The following TTN variants were observed in gnomAD, a reference collection of about 807,000 sequenced individuals.
The protein encoded by TTN is titin, also known as connectin.
Under a neutral mutation model 3,223.0 loss-of-function variants are expected in TTN, and 1,525 were observed. That is an observed-to-expected ratio of 0.47 (90% CI 0.45 to 0.49). The LOEUF (loss-of-function observed/expected upper bound fraction) is 0.49, where lower values mean the gene tolerates loss of function less well. Ranked by LOEUF, TTN falls within the 20% of genes least tolerant of loss-of-function variation. The pLI, the probability that TTN is intolerant of heterozygous loss-of-function variation, is 0.00. For synonymous variants in TTN, 14,094 were observed against 15,161.0 expected (o/e 0.93, Z 5.17); for missense variants, 40,786 against 43,424.0 (o/e 0.94, Z 5.40).
chr2:178,611,393 C>T lies in TTN; in HGVS notation c.50836G>A (p.Val16946Met). ...TTACAGTCTGGGTCTTTGGCAACCA[C>T]ATTTTCAGAGATTTCAGATGGCTCG... ...VSEPSEISEN[V>M]VAKDPDCKPT... Residue 16946 changes from valine to methionine, a missense_variant, in exon 269 of 363, where the codon GTG becomes ATG. Val to Met is a conservative substitution (Grantham distance 21). Coordinates refer to ENST00000589042, the MANE Select transcript of TTN (RefSeq NM_001267550.2). 1 of 1,612,824 alleles carries T rather than the reference C, an allele frequency of 6.2e-7. No individual in the cohort carries two copies. Among genetic ancestry groups the T allele is most frequent in the African/African-American group, 1.3e-5 (1 of 74,970 alleles).
chr2:178,577,257 A>C lies in TTN; in HGVS notation c.69078T>G (p.Phe23026Leu). The change falls in exon 324 of 363, where the codon TTT (phenylalanine) becomes TTG (leucine). Residue 23026 changes from phenylalanine (F) to leucine (L), a missense_variant. Coordinates refer to ENST00000589042, the MANE Select transcript of TTN (RefSeq NM_001267550.2). ...CCTTCACATGTTCCACCTTCGTGCC[A>C]AAAGGATTGGTAGCAGTGATGGTAT... Reference protein sequence around the residue: ...GEYTITATNPFGTKVEHVKVT... With the variant: ...GEYTITATNPLGTKVEHVKVT... 2 of 1,612,858 alleles carry C rather than the reference A, an allele frequency of 1.2e-6. No homozygotes were observed. Among genetic ancestry groups the C allele is most frequent in the Non-Finnish European group, 1.7e-6 (2 of 1,179,450 alleles).
chr2:178,714,852 A>G, intron 90 of TTN, 134 bp downstream of exon 90: 2 of 1,220,168 alleles, frequency 1.6e-6, no homozygotes, highest in Non-Finnish European at 2.3e-6. Context: ...ACTAAACAGA[A>G]AAGGACTTGG....
rs1176408460 is a variant in TTN at position 178,799,559 on chromosome 2, T to G, written c.842A>C (p.Gln281Pro). 6.2e-7 allele frequency: 1 copy of G among 1,614,066 alleles called. No individual in the cohort carries two copies. Among genetic ancestry groups the G allele is most frequent in the African/African-American group, 1.3e-5 (1 of 74,948 alleles). The change falls in exon 6 of 363, where the codon CAG becomes CCG. Residue 281 changes from glutamine to proline, a missense_variant. By Grantham distance (76) the Gln-to-Pro change is moderately conservative. Transcript: ENST00000589042. Reference protein sequence around the residue: ...IAAKAQLARQQSPSPIRHSPS... With the variant: ...IAAKAQLARQPSPSPIRHSPS... ...GGAGTGTCTTATGGGCGATGGGGAC[T>G]GCTGCCGAGCCAGCTGTGCTTTGGC...
chr2:178,641,458 C>G, intron 219 of TTN, 143 bp from the exon 220 acceptor site: 1 of 494,212 alleles, frequency 2.0e-6, no homozygotes, highest in Middle Eastern at 3.7e-4. Flanking sequence ...AGCATTTACA[C>G]CGAAAGTGTT....
chr2:178,537,891 C>T lies in TTN; in HGVS notation c.99316G>A (p.Glu33106Lys). The T allele has an allele frequency of 6.2e-7, 1 of 1,611,934 alleles. No homozygotes were observed. ...AATTTTGTGGTAACATCCTTCATTT[C>T]TTTGCGTATTCCTGGGGCCTCTCCA... Reference protein sequence around the residue: ...TSGEAPGIRKEMKDVTTKLGE... With the variant: ...TSGEAPGIRKKMKDVTTKLGE... The change falls in exon 355 of 363, where the codon GAA becomes AAA. Residue 33106 changes from glutamate (E) to lysine (K), a missense_variant. Physicochemically the swap from Glu to Lys is moderately conservative, Grantham distance 56 (BLOSUM62 1). Transcript: ENST00000589042.
chr2:178,570,730 A>G lies in TTN; in HGVS notation c.75402T>C (p.Asp25134=). Residue 25134 remains aspartate (D), a synonymous_variant, in exon 326 of 363, where the codon GAT becomes GAC. Transcript: ENST00000589042. ...TGGTTGGTATTGGTTTGCCATAAAT[A>G]TCTGCATCAACCTTGAATGATTCAC... The part of the protein sequence containing the change: ...HAGESFKVDA[D]IYGKPIPTIQ... 1.9e-6 allele frequency: 3 copies of G among 1,613,608 alleles called. No individual in the cohort carries two copies. Among genetic ancestry groups the G allele is most frequent in the African/African-American group, 1.3e-5 (1 of 75,014 alleles).
At chr2:178,678,679 A>C in intron 143 of TTN, 68 bp downstream of exon 143, 1 of 1,461,932 alleles carries the variant, frequency 6.8e-7, no homozygotes, top group South Asian at 1.2e-5. Flanking sequence ...GTACAGAATT[A>C]AACCAATTAA....
chr2:178,557,166 A>G, intron 329 of TTN, 22 bp from the exon 330 acceptor site: 1 of 1,612,820 alleles, frequency 6.2e-7, no homozygotes, highest in Non-Finnish European at 8.5e-7. Context: ...AGAGAAGCAG[A>G]TTAGCGGCAC....
At position 178,799,759 on chromosome 2, in the gene TTN, T is replaced by C. The variant is rs373366681; in HGVS notation, c.670-28A>G. 9.3e-6 allele frequency: 15 copies of C among 1,613,936 alleles called. No homozygotes were observed. The East Asian group carries it at 1.1e-4, about 12-fold the overall frequency. ...GTAAAAGATTAAAACAAAGCCCACG[T>C]TGAGGAGGAATAGCTGGGGACGCAA... On this transcript the variant is annotated intron_variant, in intron 5 of 362. Transcript: ENST00000589042.
chr2:178,782,627 T>C, intron 18 of TTN, 25 bp from the exon 19 acceptor site: 2 of 1,613,028 alleles, frequency 1.2e-6, no homozygotes, highest in Non-Finnish European at 1.7e-6. Context: ...AAGTTTCTCA[T>C]TGAGATGAGA....
In TTN at chr2:178,588,335, C is replaced by T; in HGVS notation, c.63188-116G>A. 3.4e-6 allele frequency: 4 copies of T among 1,164,866 alleles called. No homozygotes were observed. In the South Asian group the frequency reaches 5.9e-5, roughly 17 times the overall value. 72.2% of individuals were successfully genotyped at this position (1,164,866 alleles called of 1,614,324 possible). ...GTCATCCAATTTTTCAATTAGTGTCCTCTTTATTTTCCTTCATAAAAATGA... is the reference window on the plus strand; with the variant it reads ...GTCATCCAATTTTTCAATTAGTGTCTTCTTTATTTTCCTTCATAAAAATGA... On this transcript the variant is annotated intron_variant, in intron 304 of 362. Coordinates refer to ENST00000589042, the MANE Select transcript of TTN (RefSeq NM_001267550.2).
intron 59 of TTN, 43 bp from the exon 60 acceptor site, chr2:178,731,246 G>A: frequency 6.2e-7 from 1 of 1,610,412 alleles, no homozygotes; most frequent in Non-Finnish European, 8.5e-7. Context: ...GCATTACCCT[G>A]CTGAAAGGCT....
chr2:178,543,748 T>C, intron 346 of TTN, 86 bp from the exon 347 acceptor site: 1 of 1,542,626 alleles, frequency 6.5e-7, no homozygotes, highest in Non-Finnish European at 8.8e-7. Context: ...ATAGTTCCTT[T>C]CTAGAGAGGT....
chr2:178,780,583 G>A (rs2092677986), intron 21 of TTN, among the ~76,000 whole-genome samples: 1 of 151,878 alleles, frequency 6.6e-6, no homozygotes, highest in South Asian at 2.1e-4. Flanking sequence ...TAGGTCAAGT[G>A]AAACAGAGTG....
chr2:178,612,884 G>A lies in TTN; in HGVS notation c.49837C>T (p.Pro16613Ser). The change falls in exon 265 of 363, where the codon CCA (proline) becomes TCA (serine). Residue 16613 changes from proline (P) to serine (S), a missense_variant. Pro to Ser is a moderately conservative substitution (Grantham distance 74). Transcript: ENST00000589042. Reference sequence around the variant, plus strand: ...TATTCCTGTCCTTCCATGAGCCCTGGGAGCAAGTGCTGAGTGGTGGGAACC... The same window carrying A: ...TATTCCTGTCCTTCCATGAGCCCTGAGAGCAAGTGCTGAGTGGTGGGAACC... ...EGVPTTQHLL[P>S]GLMEGQEYSF... The A allele has an allele frequency of 6.2e-7, 1 of 1,612,516 alleles. No individual in the cohort carries two copies. Among genetic ancestry groups the A allele is most frequent in the South Asian group, 1.1e-5 (1 of 91,042 alleles).
chr2:178,672,594 A>G, intron 153 of TTN, 41 bp downstream of exon 153: 3 of 1,609,916 alleles, frequency 1.9e-6, no homozygotes, highest in Non-Finnish European at 2.5e-6. Flanking sequence ...CTTAACGAAA[A>G]AAGACAGAAG....
Position 178,729,840 on chromosome 2 carries a change from G to T in TTN, c.18413C>A (p.Ser6138Tyr), listed in dbSNP as rs727504477. The change falls in exon 63 of 363, where the codon TCT becomes TAT. Residue 6138 changes from serine to tyrosine, a missense_variant. Coordinates refer to ENST00000589042, the MANE Select transcript of TTN (RefSeq NM_001267550.2). ...QITGTPKIRV[S>Y]WYLDGNEITA... ...TATTTCATTCCCGTCTAGATACCAA[G>T]ACACTCGGATTTTAGGAGTGCCTGT... 6.8e-6 allele frequency: 11 copies of T among 1,613,662 alleles called. No individual in the cohort carries two copies. Among genetic ancestry groups the T allele is most frequent in the Non-Finnish European group, 9.3e-6 (11 of 1,179,734 alleles).
At position 178,554,627 on chromosome 2, in the gene TTN, G is replaced by A. The variant is rs200513274; in HGVS notation, c.88720C>T (p.Arg29574Cys). 768 of 1,613,838 alleles carry A rather than the reference G, an allele frequency of 4.8e-4. 1 individual carries two copies. Among genetic ancestry groups the A allele is most frequent in the Non-Finnish European group, 5.8e-4 (685 of 1,179,834 alleles). ...AKITHYIVEK[R>C]ETSRVVWSMV... is the part of the protein sequence containing the mutation. ...GACCACACAACGCGGCTTGTCTCACGCTTTTCCACAATGTAGTGAGTGATT... is the reference window on the plus strand; with the variant it reads ...GACCACACAACGCGGCTTGTCTCACACTTTTCCACAATGTAGTGAGTGATT... The change falls in exon 332 of 363, where the codon CGT (arginine) becomes TGT (cysteine). Residue 29574 changes from arginine (R) to cysteine (C), a missense_variant. Arg to Cys is a radical substitution (Grantham distance 180). Coordinates refer to ENST00000589042, the MANE Select transcript of TTN (RefSeq NM_001267550.2).
In TTN at chr2:178,774,051, C is replaced by A. The variant is rs759496021; in HGVS notation, c.7117G>T (p.Val2373Phe). Residue 2373 changes from valine to phenylalanine, a missense_variant, in exon 31 of 363, where the codon GTT (valine) becomes TTT (phenylalanine). Val to Phe is a conservative substitution (Grantham distance 50). Transcript: ENST00000589042. ...AAGGAGACTTTAACTTCAAGCTGAA[C>A]AATGTCACCCTCACAGACTTTTTGG... ...SDQKVCEGDIVQLEVKVSLES... is the reference protein window; with the variant it reads ...SDQKVCEGDIFQLEVKVSLES... The A allele has an allele frequency of 1.4e-5, 23 of 1,613,948 alleles. No homozygotes were observed. The Admixed American group carries it at 1.5e-4, about 11-fold the overall frequency.
Sources: gnomAD v4.1 joint callset for allele counts (sites outside exome capture counted in the v4.1 genomes callset) on GRCh38, gnomAD v4.1.1 for gene constraint, MANE v1.5 for transcripts, NCBI Gene and HGNC (gene_info 2026-07-23, HGNC 2026-07-21) for gene names.